MAP3K12: variants seen among roughly 807,000 people sequenced by gnomAD.
MAP3K12 encodes the protein MAPK-upstream kinase.
A neutral mutation model predicts 87.5 loss-of-function variants in MAP3K12; 14 were observed. The ratio of observed to expected loss-of-function variants is 0.16; its 90% CI spans 0.11 to 0.25. MAP3K12 has a LOEUF of 0.25. MAP3K12 is among the 10% of genes least tolerant of loss of function. The pLI is 1.00. For missense variants in MAP3K12, 802 were observed against 1,140.4 expected (o/e 0.70, Z 4.27); for synonymous variants, 469 against 452.5 (o/e 1.04, Z -0.46).
In MAP3K12 at chr12:53,482,849, C is replaced by A; in HGVS notation, c.1954G>T (p.Gly652Trp). Residue 652 changes from glycine (G) to tryptophan (W), a missense_variant, in exon 11 of 14, where the codon GGG (glycine) becomes TGG (tryptophan). Physicochemically the swap from Gly to Trp is radical, Grantham distance 184. Coordinates refer to ENST00000547488, the MANE Select transcript of MAP3K12 (RefSeq NM_001193511.2). Reference sequence around the variant, plus strand: ...CCTGTGGCCCCCCGGCCCCGGGACCCTAGTGCTGCTGACAGCAGGTCTGGG... The same window carrying A: ...CCTGTGGCCCCCCGGCCCCGGGACCATAGTGCTGCTGACAGCAGGTCTGGG... Reference protein sequence around the residue: ...SSPDLLSAALGSRGRGATGGA... With the variant: ...SSPDLLSAALWSRGRGATGGA... 6.2e-7 allele frequency: 1 copy of A among 1,612,638 alleles called. No homozygotes were observed. Among genetic ancestry groups the A allele is most frequent in the Admixed American group, 1.7e-5 (1 of 59,884 alleles).
At chr12:53,501,453 G>A (rs968511769), upstream of MAP3K12, 10 of 1,568,748 alleles carry the variant, frequency 6.4e-6, no homozygotes, top group Admixed American at 1.1e-4. Flanking sequence ...CGGGCTGCGG[G>A]CTGCCTAGGT....
intron 13 of MAP3K12, chr12:53,481,558 C>G (rs1050311831): frequency 3.4e-6 from 1 of 295,094 alleles, no homozygotes; most frequent in Non-Finnish European, 6.4e-6. Flanking sequence ...CCATATTGGT[C>G]AGGCTGGTCT....
At chr12:53,488,654 T>G (rs1565889074) in intron 1 of MAP3K12, among the ~76,000 whole-genome samples, 1 of 151,014 alleles carries the variant, frequency 6.6e-6, no homozygotes. Context: ...AGAGCGAAAC[T>G]CTGTCTAAAA....
chr12:53,485,260 C>T, intron 5 of MAP3K12, 46 bp from the exon 6 acceptor site: 1 of 1,600,926 alleles, frequency 6.2e-7, no homozygotes, highest in South Asian at 1.1e-5. Context: ...TAGAAGTTGC[C>T]CACAATCCCC....
Position 53,482,825 on chromosome 12 carries a change from C to G in MAP3K12, c.1978G>C (p.Gly660Arg). ...ALGSRGRGAT[G>R]GAGDPGSPPP... ...GGTGAGCCAGGATCCCCAGCTCCGC[C>G]TGTGGCCCCCCGGCCCCGGGACCCT... Residue 660 changes from glycine (G) to arginine (R), a missense_variant, in exon 11 of 14, where the codon GGC becomes CGC. Physicochemically the swap from Gly to Arg is moderately radical, Grantham distance 125. This residue lies in a region of MAP3K12 where 490 missense variants were observed against 496.6 expected (regional missense o/e 0.99). Transcript: ENST00000547488. 6.2e-7 allele frequency: 1 copy of G among 1,611,126 alleles called. No homozygotes were observed. The highest frequency in any genetic ancestry group is 1.1e-5 in the South Asian group (1 of 90,910).
chr12:53,496,489 G>A (rs911999199), intron 1 of MAP3K12, among the ~76,000 whole-genome samples: 10 of 152,214 alleles, frequency 6.6e-5, no homozygotes, highest in African/African-American at 2.4e-4. Context: ...CGGGGAAGGG[G>A]AGGGCAAGAG....
intron 13 of MAP3K12, chr12:53,481,628 G>A (rs1410739610): frequency 5.7e-6 from 2 of 347,840 alleles, no homozygotes; most frequent in Non-Finnish European, 1.1e-5. Flanking sequence ...GATTCCAGGC[G>A]TGAGTCACCA....
upstream of MAP3K12, chr12:53,500,352 C>A (rs554401830): frequency 5.3e-5 from 8 of 152,370 alleles, no homozygotes; most frequent in African/African-American, 1.9e-4. Context: ...CACTTTTGCT[C>A]TCTTCAGCTG....
upstream of MAP3K12, chr12:53,500,524 G>C (rs1428221959): frequency 6.6e-6 from 1 of 152,364 alleles, no homozygotes; most frequent in African/African-American, 2.4e-5. Flanking sequence ...CACAAAAGAA[G>C]CAACACCTGA....
intron 6 of MAP3K12, 161 bp downstream of exon 6, chr12:53,484,895 C>A: frequency 6.1e-6 from 5 of 815,262 alleles, no homozygotes; most frequent in East Asian, 2.7e-5. Flanking sequence ...ATACCAATTA[C>A]CCCTGGTGAC....
chr12:53,481,590 C>T (rs1194443576), intron 13 of MAP3K12: 3 of 318,846 alleles, frequency 9.4e-6, no homozygotes, highest in African/African-American at 2.1e-5. Flanking sequence ...CCTTGTGATC[C>T]ACCCGCCTCG....
intron 9 of MAP3K12, 26 bp from the exon 10 acceptor site, chr12:53,483,512 T>G: frequency 1.2e-6 from 2 of 1,613,990 alleles, no homozygotes; most frequent in Admixed American, 1.7e-5. Flanking sequence ...CCTTCTCAGC[T>G]GGGCAAATGA....
At chr12:53,487,505 A>T in intron 1 of MAP3K12, 77 bp from the exon 2 acceptor site, 1 of 1,423,794 alleles carries the variant, frequency 7.0e-7, no homozygotes, top group East Asian at 2.3e-5. Context: ...TCCCAGAGGC[A>T]CAGACTGGGG....
At chr12:53,494,961 G>A (rs1341032276) in intron 1 of MAP3K12, among the ~76,000 whole-genome samples, 1 of 151,956 alleles carries the variant, frequency 6.6e-6, no homozygotes, top group Non-Finnish European at 1.5e-5. Context: ...ACTGCCTGCA[G>A]CCTCAACCTC....
Position 53,486,928 on chromosome 12 carries a change from C to T in MAP3K12, c.445+19G>A, listed in dbSNP as rs1943242501. The T allele has an allele frequency of 6.2e-7, 1 of 1,609,250 alleles. No homozygotes were observed. The highest frequency in any genetic ancestry group is 8.5e-7 in the Non-Finnish European group (1 of 1,176,220). On this transcript the variant is annotated intron_variant, in intron 2 of 13. Transcript: ENST00000547488. This position sits in a 1 kb window ranked among gnomAD's most constrained non-coding sequence, Gnocchi z 4.9. Reference sequence around the variant, plus strand: ...GCTCAGGGAAACAGAGAGGAGGCTCCCACAAGGACGTGGCCTACCTTCCTG... The same window carrying T: ...GCTCAGGGAAACAGAGAGGAGGCTCTCACAAGGACGTGGCCTACCTTCCTG...
At position 53,480,897 on chromosome 12, in the gene MAP3K12, C is replaced by G. The variant is rs1943007575; in HGVS notation, c.*285G>C. On this transcript the variant is annotated 3_prime_UTR_variant, in exon 14 of 14. Transcript: ENST00000547488. The stretch of plus-strand genomic sequence containing the variant: ...ATAAAGAATATAAAGACAACCCTGG[C>G]TTTTCTATTGCCTTGTTGCTTGCTG... 1.3e-5 allele frequency: 2 copies of G among 149,292 alleles called. No individual in the cohort carries two copies. The highest frequency in any genetic ancestry group is 3.0e-5 in the Non-Finnish European group (2 of 67,672). 9.2% of individuals were successfully genotyped at this position (149,292 alleles called of 1,614,324 possible).
At chr12:53,495,043 A>G (rs559660335) in intron 1 of MAP3K12, among the ~76,000 whole-genome samples, 3 of 151,618 alleles carry the variant, frequency 2.0e-5, no homozygotes, top group East Asian at 2.0e-4. Context: ...ACCACACCAG[A>G]CTAAATTAAA....
intron 1 of MAP3K12, among the ~76,000 whole-genome samples, chr12:53,491,301 A>AAAAAAAAAAAAAAAAGAAAAAG (rs796169121): frequency 9.8e-6 from 1 of 101,568 alleles, no homozygotes; most frequent in Non-Finnish European, 1.9e-5. Context: ...AAAAAAAAAA[A>AAAAAAAAAAAAAAAAGAAAAAG]AAAAGAAAAG....
chr12:53,493,184 A>T (rs1943463279), intron 1 of MAP3K12: 1 of 152,246 alleles, frequency 6.6e-6, no homozygotes, highest in Non-Finnish European at 1.5e-5. Flanking sequence ...CACCAGGACA[A>T]GATTAGCCCC....
Sources: gnomAD v4.1 joint callset for allele counts (sites outside exome capture counted in the v4.1 genomes callset) on GRCh38, gnomAD v4.1.1 for gene constraint, gnomAD v4.1.1 regional missense constraint, Gnocchi (gnomAD v3.1) non-coding constraint, MANE v1.5 for transcripts, NCBI Gene and HGNC (gene_info 2026-07-23, HGNC 2026-07-21) for gene names.